Variants in NEGR1 observed in about 807,000 individuals in gnomAD.
NEGR1 encodes the protein neuronal growth regulator 1.
Under a neutral mutation model 40.9 loss-of-function variants are expected in NEGR1, and 10 were observed. The ratio of observed to expected loss-of-function variants is 0.24; its 90% CI spans 0.15 to 0.42. The LOEUF (loss-of-function observed/expected upper bound fraction) is 0.42, where lower values mean the gene tolerates loss of function less well. NEGR1 is among the 10% of genes least tolerant of loss of function. The pLI is 1.00. For synonymous variants in NEGR1, 185 were observed against 166.8 expected, an observed-to-expected ratio of 1.11 and a Z score of -0.84; for missense variants, 352 against 438.9, an observed-to-expected ratio of 0.80 and a Z score of 1.77.
Position 71,776,705 on chromosome 1 carries a change from T to C in NEGR1, c.410-408A>G, listed in dbSNP as rs187229602. Among the ~76,000 whole-genome samples, 207 of 152,270 alleles carry C rather than the reference T, an allele frequency of 1.4e-3. 1 individual carries two copies. The highest frequency in any genetic ancestry group is 2.5e-3 in the Non-Finnish European group (169 of 68,006). On this transcript the variant is annotated intron_variant, in intron 2 of 6. Coordinates refer to ENST00000357731, the MANE Select transcript of NEGR1 (RefSeq NM_173808.3). ...GAAGAAACTTAAAATAGCAGAATGG[T>C]TATTCCTACATACTGATTTAAAAGC... is the stretch of plus-strand genomic sequence containing the variant.
At chr1:72,203,358 C>T (rs1292451756) in intron 1 of NEGR1, among the ~76,000 whole-genome samples, 1 of 152,010 alleles carries the variant, frequency 6.6e-6, no homozygotes, top group Non-Finnish European at 1.5e-5. Context: ...TTCAAATCTC[C>T]ACTGGAGGAA....
chr1:71,868,996 T>A (rs1230493951), intron 2 of NEGR1, among the ~76,000 whole-genome samples: 3 of 152,150 alleles, frequency 2.0e-5, no homozygotes, highest in Non-Finnish European at 4.4e-5. Flanking sequence ...CATCATCAAT[T>A]CCAAATCCTA....
intron 2 of NEGR1, among the ~76,000 whole-genome samples, chr1:71,882,341 G>C (rs988104411): frequency 1.3e-5 from 2 of 152,102 alleles, no homozygotes; most frequent in Non-Finnish European, 2.9e-5. Flanking sequence ...AACGTTGGCA[G>C]AAGATTTCAT....
chr1:72,245,762 T>C (rs1386031255), intron 1 of NEGR1, among the ~76,000 whole-genome samples: 3 of 152,302 alleles, frequency 2.0e-5, no homozygotes, highest in East Asian at 3.9e-4. Flanking sequence ...AATAATGATT[T>C]ATTTCAATGA....
chr1:71,492,543 T>A (rs2101387627), intron 6 of NEGR1, among the ~76,000 whole-genome samples: 1 of 152,238 alleles, frequency 6.6e-6, no homozygotes, highest in Non-Finnish European at 1.5e-5. Context: ...CTGGTTCAGC[T>A]CTTTTTACCT....
intron 1 of NEGR1, among the ~76,000 whole-genome samples, chr1:72,030,089 A>G (rs1646844039): frequency 6.6e-6 from 1 of 152,068 alleles, no homozygotes. Context: ...GCCAGCCCTC[A>G]TGTAGTTGCA....
In NEGR1 at chr1:71,774,283, G is replaced by A. The variant is rs116746813; in HGVS notation, c.535+1889C>T. 3.2e-3 allele frequency among the ~76,000 whole-genome samples: 487 copies of A among 152,226 alleles called. 3 individuals carry two copies. The highest frequency in any genetic ancestry group is 0.011 in the African/African-American group (450 of 41,546). On this transcript the variant is annotated intron_variant, in intron 3 of 6. Transcript: ENST00000357731. The stretch of plus-strand genomic sequence containing the variant: ...GTGTATAACTCCTGGTTCTGAATTT[G>A]CTGCACTTATACCCCACGGAGAGTC...
At chr1:71,531,982 G>C (rs1269842270) in intron 6 of NEGR1, among the ~76,000 whole-genome samples, 1 of 151,070 alleles carries the variant, frequency 6.6e-6, no homozygotes, top group Non-Finnish European at 1.5e-5. Context: ...CTAAAATTTA[G>C]TGCCATTTCT....
chr1:71,735,659 A>G (rs1375076860), intron 3 of NEGR1, among the ~76,000 whole-genome samples: 1 of 152,060 alleles, frequency 6.6e-6, no homozygotes, highest in Non-Finnish European at 1.5e-5. Context: ...ATACACACAC[A>G]TCGTGGGTAT....
intron 1 of NEGR1, among the ~76,000 whole-genome samples, chr1:72,055,597 T>C (rs1647102986): frequency 6.6e-6 from 1 of 150,962 alleles, no homozygotes; most frequent in Non-Finnish European, 1.5e-5. Flanking sequence ...TGAAAGTATT[T>C]GTTGACAAAA....
At chr1:71,804,002 T>C (rs545796734) in intron 2 of NEGR1, among the ~76,000 whole-genome samples, 365 of 152,234 alleles carry the variant, frequency 2.4e-3, no homozygotes, top group African/African-American at 8.3e-3. Context: ...GCCTATATGG[T>C]AAATATAAAA....
chr1:71,532,637 G>A (rs948316009), intron 6 of NEGR1, among the ~76,000 whole-genome samples: 4 of 151,658 alleles, frequency 2.6e-5, no homozygotes, highest in Non-Finnish European at 4.4e-5. Context: ...CATATTTACC[G>A]CATATGCCCT....
rs560428109 is a variant in NEGR1, at chr1:71,496,548, C to G, written c.941-88978G>C. Reference sequence around the variant, plus strand: ...ACTTCTCTGAGAGCTGTAAGGAGACCAGGATTCATATTTCCTTGGGCTAGG... The same window carrying G: ...ACTTCTCTGAGAGCTGTAAGGAGACGAGGATTCATATTTCCTTGGGCTAGG... On this transcript the variant is annotated intron_variant, in intron 6 of 6. Coordinates refer to ENST00000357731, the MANE Select transcript of NEGR1 (RefSeq NM_173808.3). 5.9e-5 allele frequency among the ~76,000 whole-genome samples: 9 copies of G among 151,966 alleles called. No homozygotes were observed. The South Asian group carries it at 1.7e-3, about 28-fold the overall frequency.
chr1:71,438,287 T>G (rs193057845), intron 6 of NEGR1, among the ~76,000 whole-genome samples: 119 of 152,340 alleles, frequency 7.8e-4, no homozygotes, highest in Non-Finnish European at 1.5e-5. Flanking sequence ...GGATCTTATG[T>G]TTCTTGTGAA....
intron 2 of NEGR1, among the ~76,000 whole-genome samples, chr1:71,921,235 C>G (rs1300257467): frequency 6.6e-6 from 1 of 152,068 alleles, no homozygotes; most frequent in Non-Finnish European, 1.5e-5. Context: ...AAATGGTTAA[C>G]TATATAAAGG....
intron 2 of NEGR1, among the ~76,000 whole-genome samples, chr1:71,780,190 G>A (rs933524211): frequency 6.6e-6 from 1 of 151,806 alleles, no homozygotes; most frequent in African/African-American, 2.4e-5. Flanking sequence ...GCAAAAAGGA[G>A]CAGATGTATT....
At chr1:71,654,054 C>T (rs962809179) in intron 4 of NEGR1, among the ~76,000 whole-genome samples, 4 of 152,018 alleles carry the variant, frequency 2.6e-5, no homozygotes, top group African/African-American at 7.2e-5. Context: ...TGGGGAGGAA[C>T]CTTCAAGTCA....
chr1:72,050,345 A>T (rs960539790), intron 1 of NEGR1, among the ~76,000 whole-genome samples: 19 of 151,502 alleles, frequency 1.3e-4, no homozygotes, highest in Non-Finnish European at 1.0e-4. Context: ...TTTAAATCAC[A>T]AATTGGGAAC....
chr1:71,639,152 C>G (rs627774), intron 4 of NEGR1, among the ~76,000 whole-genome samples: 71,953 of 149,304 alleles, frequency 0.48, 17,540 homozygotes, highest in East Asian at 0.66. Context: ...CAGAAAAATA[C>G]ACCATCCTTG....
Sources: gnomAD v4.1 joint callset for allele counts (sites outside exome capture counted in the v4.1 genomes callset) on GRCh38, gnomAD v4.1.1 for gene constraint, MANE v1.5 for transcripts, NCBI Gene and HGNC (gene_info 2026-07-23, HGNC 2026-07-21) for gene names.